CPQ: variants seen among roughly 807,000 people sequenced by gnomAD.
CPQ encodes Ser-Met dipeptidase.
CPQ carries 37 observed loss-of-function variants against 45.7 expected under a neutral mutation model. The ratio of observed to expected loss-of-function variants is 0.81; its 90% CI spans 0.62 to 1.07. The LOEUF is 1.07. CPQ is among the 50% of genes least tolerant of loss of function. The probability of loss-of-function intolerance (pLI) is 0.00; values close to 1 mark genes in which losing one functional copy is unlikely to be tolerated. For synonymous variants in CPQ, 186 were observed against 205.8 expected (o/e 0.90, Z 0.82); for missense variants, 537 against 572.9 (o/e 0.94, Z 0.64).
chr8:96,720,293 C>T (rs1809745648), intron 1 of CPQ, among the ~76,000 whole-genome samples: 1 of 152,066 alleles, frequency 6.6e-6, no homozygotes, highest in African/African-American at 2.4e-5. Context: ...AACTGTGGAT[C>T]ACGTGTTCCT....
intron 5 of CPQ, among the ~76,000 whole-genome samples, chr8:96,984,018 T>TC (rs1813955147): frequency 1.3e-5 from 2 of 152,128 alleles, no homozygotes; most frequent in Non-Finnish European, 2.9e-5. Context: ...CTCCTTTTTT[T>TC]CTCCTTGTTT....
intron 1 of CPQ, among the ~76,000 whole-genome samples, chr8:96,718,776 C>T (rs188298205): frequency 2.6e-5 from 4 of 152,244 alleles, no homozygotes; most frequent in Admixed American, 1.3e-4. Context: ...CAAAGGTTCT[C>T]CATGTCCCCA....
intron 1 of CPQ, among the ~76,000 whole-genome samples, chr8:96,696,789 A>T (rs910884473): frequency 6.6e-6 from 1 of 152,194 alleles, no homozygotes; most frequent in African/African-American, 2.4e-5. Context: ...CTCATTCTAG[A>T]TACAAACAAC....
chr8:96,852,546 C>T (rs537224949), intron 3 of CPQ, among the ~76,000 whole-genome samples: 2 of 152,278 alleles, frequency 1.3e-5, no homozygotes, highest in African/African-American at 2.4e-5. Context: ...CATCCCATCT[C>T]GCCCTCTTCC....
intron 3 of CPQ, among the ~76,000 whole-genome samples, chr8:96,840,268 G>A (rs754200557): frequency 6.6e-6 from 1 of 152,174 alleles, no homozygotes; most frequent in Non-Finnish European, 1.5e-5. Context: ...GGCCTCCTAG[G>A]GGGTCAGAGA....
intron 7 of CPQ, among the ~76,000 whole-genome samples, chr8:97,113,549 C>T (rs1811534363): frequency 6.6e-6 from 1 of 152,142 alleles, no homozygotes; most frequent in Non-Finnish European, 1.5e-5. Flanking sequence ...ACAGAGAATT[C>T]AGTTCCATGT....
At chr8:97,006,248 G>C (rs993671488) in intron 5 of CPQ, among the ~76,000 whole-genome samples, 13 of 152,190 alleles carry the variant, frequency 8.5e-5, no homozygotes, top group Admixed American at 2.0e-4. Context: ...AAGAGGAATA[G>C]AGGTGTGATT....
chr8:96,972,787 A>G (rs576620329), intron 5 of CPQ, among the ~76,000 whole-genome samples: 21 of 152,152 alleles, frequency 1.4e-4, no homozygotes, highest in Non-Finnish European at 2.2e-4. Context: ...GAGCAAAAAC[A>G]ATCACTACAG....
intron 4 of CPQ, among the ~76,000 whole-genome samples, chr8:96,919,165 T>C (rs1254009521): frequency 6.6e-6 from 1 of 151,928 alleles, no homozygotes; most frequent in Non-Finnish European, 1.5e-5. Context: ...TGAGAGGTGA[T>C]TGTGGAAAGA....
At chr8:96,813,963 TTAGAC>T (rs1183437072) in intron 2 of CPQ, among the ~76,000 whole-genome samples, 4 of 151,528 alleles carry the variant, frequency 2.6e-5, no homozygotes, top group East Asian at 2.0e-4. Flanking sequence ...TTATGCCACT[TTAGAC>T]TAAGGACTGT....
intron 7 of CPQ, among the ~76,000 whole-genome samples, chr8:97,126,210 A>T (rs1811845254): frequency 6.6e-6 from 1 of 152,210 alleles, no homozygotes; most frequent in African/African-American, 2.4e-5. Context: ...CAACTGCACA[A>T]TATATACACG....
At chr8:96,960,332 T>C (rs1563539421) in intron 4 of CPQ, among the ~76,000 whole-genome samples, 1 of 152,232 alleles carries the variant, frequency 6.6e-6, no homozygotes, top group Non-Finnish European at 1.5e-5. Context: ...GCTTTGTAAG[T>C]AAATGTAGAT....
At chr8:96,793,728 C>A (rs1488336919) in intron 2 of CPQ, among the ~76,000 whole-genome samples, 6 of 152,106 alleles carry the variant, frequency 3.9e-5, no homozygotes, top group African/African-American at 1.4e-4. Flanking sequence ...TATAAGCCTG[C>A]AAAATCAAAA....
intron 4 of CPQ, among the ~76,000 whole-genome samples, chr8:96,942,738 C>T (rs996738654): frequency 6.6e-6 from 1 of 152,102 alleles, no homozygotes; most frequent in African/African-American, 2.4e-5. Context: ...TCCTGGGACC[C>T]ATGCTCAGAT....
At chr8:96,673,492 A>T (rs1045516574) in intron 1 of CPQ, among the ~76,000 whole-genome samples, 3 of 152,152 alleles carry the variant, frequency 2.0e-5, no homozygotes, top group Non-Finnish European at 4.4e-5. Flanking sequence ...GACAAATCAG[A>T]GGTACTTTCC....
intron 5 of CPQ, among the ~76,000 whole-genome samples, chr8:96,977,331 A>T (rs1210694781): frequency 1.3e-5 from 2 of 152,068 alleles, no homozygotes; most frequent in Non-Finnish European, 2.9e-5. Context: ...AATCAAAAAA[A>T]AAAAAAAATA....
In CPQ at chr8:96,887,377, C is replaced by T. The variant is rs747869146; in HGVS notation, c.849+7372C>T. Among the ~76,000 whole-genome samples, 34 of 152,292 alleles carry T rather than the reference C, an allele frequency of 2.2e-4. 1 individual carries two copies. The highest frequency in any genetic ancestry group is 9.6e-4 in the East Asian group (5 of 5,184). ...ACTGGTGAGAGGAGACTCCTGAGAG[C>T]GAGCTGCTTTCTTGGAAAGCGAGGG... On this transcript the variant is annotated intron_variant, in intron 4 of 7. Coordinates refer to ENST00000220763, the MANE Select transcript of CPQ (RefSeq NM_016134.4).
chr8:96,744,630 G>A lies in CPQ; in HGVS notation c.-34-40234G>A, dbSNP rs543749418. 1.4e-3 allele frequency among the ~76,000 whole-genome samples: 217 copies of A among 152,176 alleles called. 4 individuals are homozygous for A. The highest frequency in any genetic ancestry group is 0.011 in the Admixed American group (168 of 15,294). ...GTCTCATACTAATAAAACTGTACCAGTTTTTAAATTAGTGTTTTCTTGATT... is the reference window on the plus strand; with the variant it reads ...GTCTCATACTAATAAAACTGTACCAATTTTTAAATTAGTGTTTTCTTGATT... On this transcript the variant is annotated intron_variant, in intron 1 of 7. Transcript: ENST00000220763.
chr8:96,700,363 G>A (rs1338135190), intron 1 of CPQ, among the ~76,000 whole-genome samples: 2 of 152,056 alleles, frequency 1.3e-5, no homozygotes, highest in African/African-American at 4.8e-5. Flanking sequence ...AATAAGTCTA[G>A]CAGGTAGAAT....
Sources: allele counts gnomAD v4.1 joint callset (sites outside exome capture counted in the v4.1 genomes callset), GRCh38; gene constraint gnomAD v4.1.1; transcripts MANE v1.5; gene names NCBI Gene and HGNC (gene_info 2026-07-23, HGNC 2026-07-21).